Variants in NOX4 observed in about 807,000 individuals in gnomAD.
NOX4 encodes the protein kidney oxidase-1.
Under a neutral mutation model 87.6 loss-of-function variants are expected in NOX4, and 69 were observed. That is an observed-to-expected ratio of 0.79 (90% CI 0.65 to 0.96). The LOEUF (loss-of-function observed/expected upper bound fraction) is 0.96, where lower values mean the gene tolerates loss of function less well. Ranked by LOEUF, NOX4 falls within the 40% of genes least tolerant of loss-of-function variation. The pLI is 0.00. For missense variants in NOX4, 680 were observed against 681.5 expected (o/e 1.00, Z 0.02); for synonymous variants, 275 against 238.2 (o/e 1.15, Z -1.42).
At chr11:89,576,999 G>A in the NOX4 span, 1 of 152,048 alleles carries the variant, frequency 6.6e-6, no homozygotes, top group Non-Finnish European at 1.5e-5. Context: ...CAGAGGCTGA[G>A]ATGTCTTGTC....
chr11:89,387,886 T>C (rs1940826635), intron 11 of NOX4, among the ~76,000 whole-genome samples: 1 of 152,128 alleles, frequency 6.6e-6, no homozygotes, highest in African/African-American at 2.4e-5. Flanking sequence ...AGCTGGAAAA[T>C]ACTTGCAGAC....
At chr11:89,542,636 C>A in the NOX4 span, among the ~76,000 whole-genome samples, 1 of 152,142 alleles carries the variant, frequency 6.6e-6, no homozygotes, top group African/African-American at 2.4e-5. Flanking sequence ...TTTCATAGGG[C>A]AGCTTTTAGT....
At chr11:89,490,804 A>G in intron 1 of NOX4, 1 of 698,712 alleles carries the variant, frequency 1.4e-6, no homozygotes. Context: ...ATTTACAGCT[A>G]TCCCCTGCCG....
At chr11:89,386,400 G>T (rs200144892) in intron 11 of NOX4, among the ~76,000 whole-genome samples, 2,401 of 152,152 alleles carry the variant, frequency 0.016, 63 homozygotes, top group African/African-American at 0.055. Flanking sequence ...ACCTCAAACT[G>T]CCACCCTTAA....
At chr11:89,542,565 A>T in the NOX4 span, among the ~76,000 whole-genome samples, 20 of 152,312 alleles carry the variant, frequency 1.3e-4, no homozygotes, top group African/African-American at 4.8e-4. Flanking sequence ...CGGAATACAA[A>T]TCCTGTTCCC....
At chr11:89,329,431 A>G (rs1945371301) in intron 17 of NOX4, among the ~76,000 whole-genome samples, 1 of 150,858 alleles carries the variant, frequency 6.6e-6, no homozygotes, top group Admixed American at 6.6e-5. Context: ...CAACTAGTCA[A>G]AAATACATGT....
chr11:89,538,490 G>C, the NOX4 span, among the ~76,000 whole-genome samples: 80 of 152,204 alleles, frequency 5.3e-4, no homozygotes, highest in Non-Finnish European at 8.8e-4. Context: ...TGATAATGGA[G>C]GCAACATGTT....
At chr11:89,486,610 GTGTGTATA>G (rs1946623642) in intron 2 of NOX4, among the ~76,000 whole-genome samples, 2 of 120,616 alleles carry the variant, frequency 1.7e-5, no homozygotes, top group African/African-American at 7.9e-5. Context: ...ACATATATAT[GTGTGTATA>G]TATGTGTATA....
chr11:89,479,819 T>C (rs950150059), intron 2 of NOX4, among the ~76,000 whole-genome samples: 30 of 152,198 alleles, frequency 2.0e-4, no homozygotes, highest in Admixed American at 1.9e-3. Flanking sequence ...TTTATCGCAT[T>C]GCTCGGGTTT....
At chr11:89,530,440 T>G in the NOX4 span, among the ~76,000 whole-genome samples, 1 of 151,140 alleles carries the variant, frequency 6.6e-6, no homozygotes, top group Non-Finnish European at 1.5e-5. Flanking sequence ...CCTCCTGGAT[T>G]CAAGTGATTC....
At chr11:89,576,027 G>C in the NOX4 span, among the ~76,000 whole-genome samples, 1 of 152,160 alleles carries the variant, frequency 6.6e-6, no homozygotes, top group African/African-American at 2.4e-5. Flanking sequence ...GGCCACAACT[G>C]TTTGTCCAGT....
the NOX4 span, among the ~76,000 whole-genome samples, chr11:89,506,445 C>T: frequency 5.0e-3 from 766 of 151,704 alleles, 3 homozygotes; most frequent in African/African-American, 0.011. Flanking sequence ...CAAAATGGAT[C>T]ATAGACCTAA....
chr11:89,568,024 A>T, the NOX4 span, among the ~76,000 whole-genome samples: 6 of 152,190 alleles, frequency 3.9e-5, no homozygotes, highest in African/African-American at 1.4e-4. Context: ...GACTGGGAAC[A>T]TCTCTAGCAC....
At chr11:89,441,841 G>A (rs1944468693) in intron 5 of NOX4, among the ~76,000 whole-genome samples, 1 of 151,426 alleles carries the variant, frequency 6.6e-6, no homozygotes, top group African/African-American at 2.4e-5. Flanking sequence ...CAAGGTGGAG[G>A]GTGAGTCCTT....
rs59263677 is a variant in NOX4 at position 89,349,287 on chromosome 11, AAAAATAAAATAAAATAAAAT to A, written c.1217+5655_1217+5674del. 4.5e-4 allele frequency among the ~76,000 whole-genome samples: 67 copies of A among 149,526 alleles called. No individual in the cohort carries two copies. In the East Asian group the frequency reaches 8.8e-3, roughly 20 times the overall value. ...AGGCAACAGAGCGAGACTCTGTCTA[AAAAATAAAATAAAATAAAAT>A]AAAATAAAATAAAATAAAATAACTT... On this transcript the variant is annotated intron_variant, in intron 13 of 17. Transcript: ENST00000263317.
At position 89,325,757 on chromosome 11, in the gene NOX4, G is replaced by C. The variant is rs1945194769; in HGVS notation, c.*999C>G. 1 of 151,628 alleles carries C rather than the reference G, an allele frequency of 6.6e-6. No individual in the cohort carries two copies. Among genetic ancestry groups the C allele is most frequent in the Admixed American group, 6.6e-5 (1 of 15,228 alleles). The allele number at this position is 151,628 out of a possible 1,614,324, so 9.4% of individuals were successfully genotyped here. ...CTACTGACACACATGATGTCCTTTG[G>C]TCTCAAAGTGCAAATTAACTAACTA... is the stretch of plus-strand genomic sequence containing the variant. On this transcript the variant is annotated 3_prime_UTR_variant, in exon 18 of 18. Coordinates refer to ENST00000263317, the MANE Select transcript of NOX4 (RefSeq NM_016931.5).
chr11:89,413,980 G>A (rs1942625391), intron 8 of NOX4, among the ~76,000 whole-genome samples: 1 of 151,916 alleles, frequency 6.6e-6, no homozygotes, highest in South Asian at 2.1e-4. Context: ...AAAAATATAT[G>A]TGTATATATG....
intron 11 of NOX4, among the ~76,000 whole-genome samples, chr11:89,396,807 A>G (rs1397770341): frequency 6.6e-6 from 1 of 152,188 alleles, no homozygotes; most frequent in Non-Finnish European, 1.5e-5. Context: ...AGGAGCACCC[A>G]GATTCATAAA....
At chr11:89,428,886 C>T (rs1222556486) in intron 7 of NOX4, among the ~76,000 whole-genome samples, 1 of 152,212 alleles carries the variant, frequency 6.6e-6, no homozygotes, top group African/African-American at 2.4e-5. Context: ...CTACAGAACT[C>T]TCCACTCCAA....
Sources: allele counts gnomAD v4.1 joint callset (sites outside exome capture counted in the v4.1 genomes callset), GRCh38; gene constraint gnomAD v4.1.1; transcripts MANE v1.5; gene names NCBI Gene and HGNC (gene_info 2026-07-23, HGNC 2026-07-21).